Variants in KCNIP4 observed in about 807,000 individuals in gnomAD.
KCNIP4 encodes potassium voltage-gated channel interacting protein 4, also known as Kv channel-interacting protein 4.
In KCNIP4, 12 loss-of-function variants were observed where a neutral mutation model predicts 34.0. The observed-to-expected ratio is 0.35, with a 90% CI of 0.23 to 0.57. The LOEUF (loss-of-function observed/expected upper bound fraction) is 0.57, where lower values mean the gene tolerates loss of function less well. Ranked by LOEUF, KCNIP4 falls within the 20% of genes least tolerant of loss-of-function variation. The pLI is 0.83. For synonymous variants in KCNIP4, 124 were observed against 102.2 expected (o/e 1.21, Z -1.29); for missense variants, 238 against 311.7 (o/e 0.76, Z 1.78).
chr4:21,317,233 A>G (rs771317423), intron 1 of KCNIP4, among the ~76,000 whole-genome samples: 32 of 152,198 alleles, frequency 2.1e-4, no homozygotes, highest in Non-Finnish European at 4.0e-4. Flanking sequence ...TTACATGCCA[A>G]CTATCCCCTT....
In KCNIP4 at chr4:21,918,241, G is replaced by T. The variant is rs115819181; in HGVS notation, c.61+30330C>A. ...AACTAAAAATAATGGAAACATAACT[G>T]TGATAAAAACAGGCACTTTGAATGC... On this transcript the variant is annotated intron_variant, in intron 1 of 8. Transcript: ENST00000382152. Among the ~76,000 whole-genome samples, 364 of 152,260 alleles carry T rather than the reference G, an allele frequency of 2.4e-3. 1 individual carries two copies. Among genetic ancestry groups the T allele is most frequent in the African/African-American group, 8.2e-3 (340 of 41,548 alleles).
In KCNIP4 at chr4:21,224,176, C is replaced by T. The variant is rs1409405940; in HGVS notation, c.62-341467G>A. Among the ~76,000 whole-genome samples, 5 of 152,000 alleles carry T rather than the reference C, an allele frequency of 3.3e-5. No homozygotes were observed. The East Asian group carries it at 7.7e-4, about 23-fold the overall frequency. On this transcript the variant is annotated intron_variant, in intron 1 of 8. Transcript: ENST00000382152. ...TCTCCATCAGTTTGGGTTGCCGTAA[C>T]AAAAATATCACAGAATCGGCAGTTT...
At chr4:21,867,857 ATT>A (rs767408607) in intron 1 of KCNIP4, among the ~76,000 whole-genome samples, 1 of 152,228 alleles carries the variant, frequency 6.6e-6, no homozygotes, top group Non-Finnish European at 1.5e-5. Context: ...AAACAAAAGC[ATT>A]TGTACCTTCT....
At chr4:21,767,255 T>C (rs1023691713) in intron 1 of KCNIP4, among the ~76,000 whole-genome samples, 2 of 152,010 alleles carry the variant, frequency 1.3e-5, no homozygotes, top group Non-Finnish European at 2.9e-5. Flanking sequence ...CACACAGAGC[T>C]TGAAATGCCT....
intron 3 of KCNIP4, among the ~76,000 whole-genome samples, chr4:20,790,323 G>A (rs1317617334): frequency 1.3e-5 from 2 of 152,118 alleles, no homozygotes; most frequent in East Asian, 3.9e-4. Flanking sequence ...GAAGGCCTAG[G>A]ACATTGCTGT....
At chr4:20,905,635 C>T (rs1727676069) in intron 1 of KCNIP4, among the ~76,000 whole-genome samples, 1 of 150,836 alleles carries the variant, frequency 6.6e-6, no homozygotes, top group South Asian at 2.1e-4. Flanking sequence ...CCTCAGCTTC[C>T]CGAGTAGCTG....
intron 1 of KCNIP4, among the ~76,000 whole-genome samples, chr4:21,839,551 C>T (rs140846829): frequency 1.1e-4 from 17 of 152,194 alleles, no homozygotes; most frequent in African/African-American, 3.6e-4. Context: ...GTTAGAAGTT[C>T]GAGACCAGCC....
chr4:21,939,679 G>A (rs766967253), intron 1 of KCNIP4, among the ~76,000 whole-genome samples: 9 of 152,132 alleles, frequency 5.9e-5, no homozygotes, highest in African/African-American at 1.7e-4. Context: ...ACTGGACCAT[G>A]AGCGGACAGG....
At chr4:21,377,669 C>A (rs1257487082) in intron 1 of KCNIP4, among the ~76,000 whole-genome samples, 2 of 152,124 alleles carry the variant, frequency 1.3e-5, no homozygotes, top group Non-Finnish European at 2.9e-5. Context: ...CCAAGCTTGT[C>A]AGGCAATGTG....
chr4:21,111,769 T>A (rs1009800781), intron 1 of KCNIP4, among the ~76,000 whole-genome samples: 3 of 152,086 alleles, frequency 2.0e-5, no homozygotes, highest in Non-Finnish European at 4.4e-5. Flanking sequence ...CAGGCAGGAA[T>A]GAACAGGACA....
At chr4:21,099,316 C>T (rs1365882845) in intron 1 of KCNIP4, among the ~76,000 whole-genome samples, 2 of 151,928 alleles carry the variant, frequency 1.3e-5, no homozygotes, top group Non-Finnish European at 2.9e-5. Context: ...ATGCCCTTTG[C>T]ACGGATGGAG....
At chr4:21,751,631 CA>C (rs1306013617) in intron 1 of KCNIP4, among the ~76,000 whole-genome samples, 1 of 152,090 alleles carries the variant, frequency 6.6e-6, no homozygotes, top group African/African-American at 2.4e-5. Flanking sequence ...ACAAGCTTTA[CA>C]AAAAGCAAAT....
At chr4:20,743,607 AC>A (rs1211763874) in intron 5 of KCNIP4, among the ~76,000 whole-genome samples, 1 of 152,228 alleles carries the variant, frequency 6.6e-6, no homozygotes, top group Admixed American at 6.5e-5. Context: ...TACACTTTAT[AC>A]AAAAATTAAT....
At chr4:21,281,426 TG>T (rs1241294527) in intron 1 of KCNIP4, among the ~76,000 whole-genome samples, 1 of 152,122 alleles carries the variant, frequency 6.6e-6, no homozygotes, top group Non-Finnish European at 1.5e-5. Context: ...AACACTGCAC[TG>T]GAATAGACAG....
At chr4:21,806,537 T>C (rs564224556) in intron 1 of KCNIP4, among the ~76,000 whole-genome samples, 1 of 152,308 alleles carries the variant, frequency 6.6e-6, no homozygotes, top group East Asian at 1.9e-4. Flanking sequence ...GACTGATTAA[T>C]ATTTTAGTTA....
chr4:21,036,591 G>A (rs1468970962), intron 1 of KCNIP4, among the ~76,000 whole-genome samples: 1 of 152,148 alleles, frequency 6.6e-6, no homozygotes, highest in Non-Finnish European at 1.5e-5. Flanking sequence ...CTGGGCATGG[G>A]GGTGTGTGCC....
At chr4:21,820,796 G>A (rs1315133952) in intron 1 of KCNIP4, among the ~76,000 whole-genome samples, 1 of 152,026 alleles carries the variant, frequency 6.6e-6, no homozygotes, top group African/African-American at 2.4e-5. Context: ...CTACATTTGG[G>A]TCATGCTCAT....
chr4:20,852,632 C>G (rs1721155718), intron 2 of KCNIP4, among the ~76,000 whole-genome samples: 1 of 152,086 alleles, frequency 6.6e-6, no homozygotes, highest in South Asian at 2.1e-4. Context: ...CCAGAGCAAT[C>G]AGACAAGAGA....
intron 1 of KCNIP4, among the ~76,000 whole-genome samples, chr4:21,621,367 C>T (rs1284046674): frequency 6.6e-6 from 1 of 152,100 alleles, no homozygotes; most frequent in Non-Finnish European, 1.5e-5. Context: ...CATCTTATTA[C>T]TTATTTTTTC....
Sources: allele counts gnomAD v4.1 joint callset (sites outside exome capture counted in the v4.1 genomes callset), GRCh38; gene constraint gnomAD v4.1.1; transcripts MANE v1.5; gene names NCBI Gene and HGNC (gene_info 2026-07-23, HGNC 2026-07-21).